The following NEGR1 variants were observed in gnomAD, a reference collection of about 807,000 sequenced individuals.
NEGR1 encodes neuronal growth regulator 1.
In NEGR1, 10 loss-of-function variants were observed where a neutral mutation model predicts 40.9. That is an observed-to-expected ratio of 0.24 (90% CI 0.15 to 0.42). The LOEUF (loss-of-function observed/expected upper bound fraction) is 0.42, where lower values mean the gene tolerates loss of function less well. Among genes scored for constraint, NEGR1 ranks in the 10% least tolerant of loss-of-function variants. The probability of loss-of-function intolerance (pLI) is 1.00; values close to 1 mark genes in which losing one functional copy is unlikely to be tolerated. For synonymous variants in NEGR1, 185 were observed against 166.8 expected (o/e 1.11, Z -0.84); for missense variants, 352 against 438.9 (o/e 0.80, Z 1.77).
intron 1 of NEGR1, among the ~76,000 whole-genome samples, chr1:72,111,082 A>G (rs1649349389): frequency 2.6e-5 from 1 of 39,088 alleles, no homozygotes; most frequent in Non-Finnish European, 7.7e-5. Flanking sequence ...ACATATATAT[A>G]TATACACACA....
intron 6 of NEGR1, among the ~76,000 whole-genome samples, chr1:71,467,601 T>C (rs949335980): frequency 6.6e-6 from 1 of 152,096 alleles, no homozygotes; most frequent in Admixed American, 6.6e-5. Context: ...TAATTAGAGG[T>C]TGTATGTCTT....
intron 1 of NEGR1, among the ~76,000 whole-genome samples, chr1:72,026,843 A>G (rs1437037448): frequency 6.6e-6 from 1 of 152,112 alleles, no homozygotes; most frequent in Non-Finnish European, 1.5e-5. Flanking sequence ...TTGCATAGCT[A>G]GCCTGGCTTT....
chr1:72,245,322 A>G (rs1405371902), intron 1 of NEGR1, among the ~76,000 whole-genome samples: 4 of 152,092 alleles, frequency 2.6e-5, no homozygotes, highest in Non-Finnish European at 5.9e-5. Context: ...CAGTATGTCA[A>G]CTAATATCAA....
chr1:72,217,686 T>C (rs984486471), intron 1 of NEGR1, among the ~76,000 whole-genome samples: 3 of 151,800 alleles, frequency 2.0e-5, no homozygotes, highest in East Asian at 3.9e-4. Flanking sequence ...AAGTATCAAT[T>C]TGGTTACATT....
chr1:71,849,872 G>T (rs554780602), intron 2 of NEGR1, among the ~76,000 whole-genome samples: 46 of 151,972 alleles, frequency 3.0e-4, no homozygotes, highest in African/African-American at 1.0e-3. Context: ...TAGATACAAT[G>T]GTACTACACA....
At chr1:72,069,923 A>T (rs541157773) in intron 1 of NEGR1, among the ~76,000 whole-genome samples, 1 of 152,088 alleles carries the variant, frequency 6.6e-6, no homozygotes. Context: ...TTATAGAATA[A>T]TTTCAAGTAT....
intron 3 of NEGR1, among the ~76,000 whole-genome samples, chr1:71,771,528 C>T (rs1250572526): frequency 6.6e-6 from 1 of 151,482 alleles, no homozygotes; most frequent in African/African-American, 2.4e-5. Flanking sequence ...TGGAGAAACC[C>T]TCTCTCTACT....
At chr1:71,505,891 G>C (rs1286661817) in intron 6 of NEGR1, among the ~76,000 whole-genome samples, 1 of 152,068 alleles carries the variant, frequency 6.6e-6, no homozygotes, top group Non-Finnish European at 1.5e-5. Context: ...GGAGGGCCAA[G>C]GTATCAGAAA....
intron 1 of NEGR1, among the ~76,000 whole-genome samples, chr1:72,105,750 A>G (rs1649111161): frequency 6.6e-6 from 1 of 152,066 alleles, no homozygotes; most frequent in Admixed American, 6.6e-5. Context: ...AGGAATGGGT[A>G]GGGAAAGGAA....
At chr1:71,849,881 C>G (rs1252978440) in intron 2 of NEGR1, among the ~76,000 whole-genome samples, 2 of 152,122 alleles carry the variant, frequency 1.3e-5, no homozygotes, top group Non-Finnish European at 2.9e-5. Context: ...TGGTACTACA[C>G]ACTTATACTC....
chr1:72,126,017 T>C (rs1650001220), intron 1 of NEGR1, among the ~76,000 whole-genome samples: 1 of 151,658 alleles, frequency 6.6e-6, no homozygotes, highest in Admixed American at 6.6e-5. Context: ...CTAAATTCTT[T>C]TAAAAATCTA....
intron 1 of NEGR1, among the ~76,000 whole-genome samples, chr1:72,133,235 G>A: frequency 6.6e-6 from 1 of 152,020 alleles, no homozygotes; most frequent in East Asian, 1.9e-4. Context: ...TAAATGTAGA[G>A]TTCCTACAAC....
intron 6 of NEGR1, among the ~76,000 whole-genome samples, chr1:71,565,970 AT>A (rs1300723768): frequency 6.6e-6 from 1 of 152,144 alleles, no homozygotes; most frequent in Non-Finnish European, 1.5e-5. Flanking sequence ...AGAGAAGGCC[AT>A]GTGAAGACAG....
chr1:71,455,981 T>TG (rs1646669715), intron 6 of NEGR1, among the ~76,000 whole-genome samples: 2 of 152,202 alleles, frequency 1.3e-5, no homozygotes, highest in Non-Finnish European at 2.9e-5. Flanking sequence ...ATACAGATAA[T>TG]CGTAACATGC....
intron 1 of NEGR1, among the ~76,000 whole-genome samples, chr1:71,981,815 T>G (rs1032989230): frequency 1.3e-5 from 2 of 151,960 alleles, no homozygotes; most frequent in African/African-American, 2.4e-5. Flanking sequence ...GGTTAGAGGC[T>G]TCATGCATAA....
At chr1:71,476,607 C>G (rs1646822431) in intron 6 of NEGR1, among the ~76,000 whole-genome samples, 1 of 152,054 alleles carries the variant, frequency 6.6e-6, no homozygotes, top group Non-Finnish European at 1.5e-5. Context: ...TCCTGAGGGT[C>G]TGAAAACAGA....
At chr1:71,763,146 G>T (rs1006599876) in intron 3 of NEGR1, among the ~76,000 whole-genome samples, 2 of 152,104 alleles carry the variant, frequency 1.3e-5, no homozygotes, top group Admixed American at 6.5e-5. Flanking sequence ...CTGGCTACAT[G>T]AATGAACTCA....
chr1:71,919,238 T>A (rs1055284742), intron 2 of NEGR1, among the ~76,000 whole-genome samples: 2 of 152,156 alleles, frequency 1.3e-5, no homozygotes, highest in Admixed American at 1.3e-4. Context: ...TTATGCTGCT[T>A]CCGTCTTCCT....
chr1:71,689,510 T>C (rs900039039), intron 4 of NEGR1, among the ~76,000 whole-genome samples: 1 of 152,162 alleles, frequency 6.6e-6, no homozygotes, highest in Non-Finnish European at 1.5e-5. Context: ...CATTATCCTG[T>C]AATATCTAAA....
Sources: allele counts gnomAD v4.1 joint callset (sites outside exome capture counted in the v4.1 genomes callset), GRCh38; gene constraint gnomAD v4.1.1; transcripts MANE v1.5; gene names NCBI Gene and HGNC (gene_info 2026-07-23, HGNC 2026-07-21).